Variants in TNRC6C observed in about 807,000 individuals in gnomAD.
TNRC6C encodes trinucleotide repeat containing adaptor 6C, also known as trinucleotide repeat-containing gene 6C protein.
Under a neutral mutation model 153.7 loss-of-function variants are expected in TNRC6C, and 20 were observed. The observed-to-expected ratio is 0.13, with a 90% CI of 0.09 to 0.19. The LOEUF (loss-of-function observed/expected upper bound fraction) is 0.19, where lower values mean the gene tolerates loss of function less well. Ranked by LOEUF, TNRC6C falls within the 10% of genes least tolerant of loss-of-function variation. The pLI is 1.00. For missense variants in TNRC6C, 1,987 were observed against 2,172.0 expected, an observed-to-expected ratio of 0.91 and a Z score of 1.69; for synonymous variants, 811 against 841.4, an observed-to-expected ratio of 0.96 and a Z score of 0.63.
At chr17:77,963,271 A>G (rs1006398155) in intron 1 of TNRC6C, among the ~76,000 whole-genome samples, 1 of 152,224 alleles carries the variant, frequency 6.6e-6, no homozygotes. Flanking sequence ...TGAGAAATGT[A>G]TAATCTTAGC....
chr17:77,985,975 C>A (rs552547265), intron 1 of TNRC6C, among the ~76,000 whole-genome samples: 1 of 152,206 alleles, frequency 6.6e-6, no homozygotes, highest in South Asian at 2.1e-4. Flanking sequence ...TTATTTGATG[C>A]AGTATAGATA....
intron 1 of TNRC6C, among the ~76,000 whole-genome samples, chr17:78,029,881 C>A (rs1311502775): frequency 6.6e-6 from 1 of 151,880 alleles, no homozygotes; most frequent in Admixed American, 6.6e-5. Context: ...GTATCACTAT[C>A]TTCCACCTCC....
At chr17:78,031,470 G>A (rs2072072786) in intron 1 of TNRC6C, 46 bp from the exon 4 acceptor site, 1 of 1,221,866 alleles carries the variant, frequency 8.2e-7, no homozygotes, top group African/African-American at 1.6e-5. Flanking sequence ...GGTTTTAAAG[G>A]GGTCTAGCTA....
At chr17:77,958,399 T>C (rs1258799910), upstream of TNRC6C, among the ~76,000 whole-genome samples, 1 of 151,326 alleles carries the variant, frequency 6.6e-6, no homozygotes, top group Non-Finnish European at 1.5e-5. Context: ...TCCCGGCCAC[T>C]CGGAGCGCGC....
At chr17:78,100,229 T>C (rs1341846538) in intron 17 of TNRC6C, among the ~76,000 whole-genome samples, 1 of 152,228 alleles carries the variant, frequency 6.6e-6, no homozygotes, top group Non-Finnish European at 1.5e-5. Flanking sequence ...ATAGCTCTAC[T>C]AGGTGGTGCC....
At chr17:78,055,496 A>C (rs1241144061) in intron 3 of TNRC6C, among the ~76,000 whole-genome samples, 2 of 152,254 alleles carry the variant, frequency 1.3e-5, no homozygotes, top group Non-Finnish European at 2.9e-5. Flanking sequence ...ATTCCGCTAC[A>C]TTATGATGGG....
chr17:78,005,415 A>G (rs2071479629), intron 1 of TNRC6C, among the ~76,000 whole-genome samples: 1 of 152,186 alleles, frequency 6.6e-6, no homozygotes, highest in African/African-American at 2.4e-5. Context: ...GCATTTTTTT[A>G]AGGTTCCAAT....
intron 6 of TNRC6C, among the ~76,000 whole-genome samples, chr17:78,071,423 C>G (rs1468214584): frequency 6.8e-6 from 1 of 146,508 alleles, no homozygotes; most frequent in Non-Finnish European, 1.5e-5. Context: ...ATAGAAAATG[C>G]TTTTTTTTTT....
In TNRC6C at chr17:78,012,648, A is replaced by G. The variant is rs367724296; in HGVS notation, c.-546+7569A>G. ...CTCAGCCAGGTGTCAGTAGGTCAGTATAAGCATTTCATGGCCAGTGGCGGA... is the reference window on the plus strand; with the variant it reads ...CTCAGCCAGGTGTCAGTAGGTCAGTGTAAGCATTTCATGGCCAGTGGCGGA... On this transcript the variant is annotated intron_variant, in intron 1 of 19. Coordinates refer to ENST00000301624, the Ensembl canonical transcript of TNRC6C. Among the ~76,000 whole-genome samples the G allele has an allele frequency of 8.5e-4, 129 of 152,350 alleles. 3 individuals are homozygous for G. The South Asian group carries it at 0.025, about 30-fold the overall frequency.
intron 9 of TNRC6C, 124 bp downstream of exon 11, chr17:78,077,458 T>A: frequency 1.6e-6 from 2 of 1,252,294 alleles, no homozygotes; most frequent in Non-Finnish European, 2.2e-6. Flanking sequence ...ACTGAAAAAG[T>A]AGTTGAAATA....
At chr17:78,069,367 T>C (rs756307098) in intron 5 of TNRC6C, among the ~76,000 whole-genome samples, 8 of 152,124 alleles carry the variant, frequency 5.3e-5, no homozygotes, top group Non-Finnish European at 1.2e-4. Flanking sequence ...ATTTTTCATC[T>C]CTCAGACCCA....
At chr17:78,050,388 A>C in exon 3 of TNRC6C, 1 of 1,613,908 alleles carries the variant, frequency 6.2e-7, no homozygotes, top group Non-Finnish European at 8.5e-7. Flanking sequence ...TTGACCCAAG[A>C]GTTCTGTCTA....
intron 1 of TNRC6C, among the ~76,000 whole-genome samples, chr17:78,024,277 C>T (rs2143601577): frequency 6.6e-6 from 1 of 152,280 alleles, no homozygotes; most frequent in African/African-American, 2.4e-5. Flanking sequence ...GTGAAAGAGA[C>T]AGCAAGTTTT....
At chr17:78,033,323 C>T (rs530281564) in intron 2 of TNRC6C, among the ~76,000 whole-genome samples, 16 of 152,274 alleles carry the variant, frequency 1.1e-4, no homozygotes, top group African/African-American at 3.6e-4. Context: ...ATATTTATCT[C>T]TGTAAATATA....
intron 7 of TNRC6C, among the ~76,000 whole-genome samples, chr17:78,074,057 A>G (rs541391938): frequency 6.6e-6 from 1 of 152,312 alleles, no homozygotes; most frequent in East Asian, 1.9e-4. Context: ...ACAGTGCTTT[A>G]ACTCGTGCCT....
chr17:77,961,586 G>T (rs1279834562), intron 1 of TNRC6C, among the ~76,000 whole-genome samples: 3 of 152,244 alleles, frequency 2.0e-5, no homozygotes, highest in African/African-American at 7.2e-5. Flanking sequence ...GTATATGTAA[G>T]TGTTGGTTTT....
intron 1 of TNRC6C, among the ~76,000 whole-genome samples, chr17:77,984,457 G>A (rs2071130124): frequency 1.3e-5 from 2 of 152,046 alleles, no homozygotes; most frequent in South Asian, 4.1e-4. Context: ...GATTGAGGCT[G>A]CAGTGAGCTG....
At chr17:77,958,204 G>A (rs2070824783), upstream of TNRC6C, among the ~76,000 whole-genome samples, 1 of 152,060 alleles carries the variant, frequency 6.6e-6, no homozygotes, top group African/African-American at 2.4e-5. Context: ...AAGCCCGGGC[G>A]CCGCGGGGCG....
chr17:77,992,227 C>CG lies in TNRC6C; in HGVS notation c.-37-11941dup, dbSNP rs1209656925. ...AAGATTAAGCAAAACCGGCCGGGCG[C>CG]GGTGGCTCACGCCTGTAATCCCAGC... On this transcript the variant is annotated intron_variant, in intron 1 of 22. Transcript: ENST00000636222. Among the ~76,000 whole-genome samples, 2 of 50,488 alleles carry CG rather than the reference C, an allele frequency of 4.0e-5. 1 individual carries two copies. The highest frequency in any genetic ancestry group is 3.7e-4 in the African/African-American group (2 of 5,352). The allele number at this position is 50,488 out of a possible 152,430, so 33.1% of individuals were successfully genotyped here.
Sources: allele counts gnomAD v4.1 joint callset (sites outside exome capture counted in the v4.1 genomes callset), GRCh38; gene constraint gnomAD v4.1.1; transcripts MANE v1.5; gene names NCBI Gene and HGNC (gene_info 2026-07-23, HGNC 2026-07-21).